The following PDE8B variants were observed in gnomAD, a reference collection of about 807,000 sequenced individuals.
The protein encoded by PDE8B is high affinity cAMP-specific and IBMX-insensitive 3',5'-cyclic phosphodiesterase 8B.
A neutral mutation model predicts 101.3 loss-of-function variants in PDE8B; 26 were observed. That is an observed-to-expected ratio of 0.26 (90% CI 0.19 to 0.36). The LOEUF (loss-of-function observed/expected upper bound fraction) is 0.36, where lower values mean the gene tolerates loss of function less well. PDE8B is among the 10% of genes least tolerant of loss of function. The pLI is 1.00. For missense variants in PDE8B, 810 were observed against 1,163.1 expected (o/e 0.70, Z 4.42); for synonymous variants, 424 against 429.3 (o/e 0.99, Z 0.15).
chr5:77,423,661 A>ATTTTT (rs1797245306), intron 20 of PDE8B, among the ~76,000 whole-genome samples: 1 of 24,966 alleles, frequency 4.0e-5, no homozygotes, highest in African/African-American at 1.3e-4. Context: ...TTTTTTTTTG[A>ATTTTT]GACAGTCTTG....
intron 10 of PDE8B, among the ~76,000 whole-genome samples, chr5:77,396,541 A>G (rs897029080): frequency 1.3e-5 from 2 of 152,246 alleles, no homozygotes; most frequent in African/African-American, 4.8e-5. Flanking sequence ...AACTGAGCAC[A>G]GCACAGCTAC....
At chr5:77,273,570 G>A (rs1763205137) in intron 1 of PDE8B, among the ~76,000 whole-genome samples, 2 of 152,156 alleles carry the variant, frequency 1.3e-5, no homozygotes, top group South Asian at 4.1e-4. Flanking sequence ...GAGAGGCAGG[G>A]TAGTACACTT....
Position 77,413,249 on chromosome 5 carries a change from C to T in PDE8B, c.1851C>T (p.Ser617=), listed in dbSNP as rs1343276717. 1 of 1,613,990 alleles carries T rather than the reference C, an allele frequency of 6.2e-7. No homozygotes were observed. Among genetic ancestry groups the T allele is most frequent in the Non-Finnish European group, 8.5e-7 (1 of 1,180,002 alleles). ...ACTCTTCCAATGCCTACCACAACTC[C>T]ACCCATGCTGCCGACGTCCTGCACG... is the stretch of plus-strand genomic sequence containing the variant. ...NYHSSNAYHN[S]THAADVLHAT... is the part of the protein sequence containing the mutation. Residue 617 remains serine, a synonymous_variant, in exon 17 of 22, where the codon TCC becomes TCT. Transcript: ENST00000264917.
intron 17 of PDE8B, 21 bp downstream of exon 17, chr5:77,413,330 C>T: frequency 3.1e-6 from 5 of 1,589,110 alleles, no homozygotes; most frequent in Non-Finnish European, 4.3e-6. Flanking sequence ...GATATCATGA[C>T]CTAGTTACCT....
At chr5:77,266,004 C>G (rs998975481) in intron 1 of PDE8B, among the ~76,000 whole-genome samples, 46 of 152,280 alleles carry the variant, frequency 3.0e-4, no homozygotes, top group Middle Eastern at 3.4e-3. Context: ...CCTGACTGCG[C>G]TGCTCAGGAA....
intron 4 of PDE8B, among the ~76,000 whole-genome samples, 153 bp downstream of exon 4, chr5:77,329,210 T>C (rs1250773342): frequency 6.6e-6 from 1 of 152,196 alleles, no homozygotes; most frequent in East Asian, 1.9e-4. Flanking sequence ...GGGGGTTTTG[T>C]TTGTTTCACA....
intron 8 of PDE8B, among the ~76,000 whole-genome samples, chr5:77,350,468 C>T (rs1780880411): frequency 6.6e-6 from 1 of 152,048 alleles, no homozygotes; most frequent in Admixed American, 6.5e-5. Context: ...ATCTCAGTTT[C>T]TGATTAGCCA....
chr5:77,276,846 T>G (rs251419), intron 1 of PDE8B, among the ~76,000 whole-genome samples: 29,560 of 152,182 alleles, frequency 0.19, 3,023 homozygotes, highest in Non-Finnish European at 0.23. Context: ...TGGTCCTCAC[T>G]GTGAAGTGTC....
At chr5:77,135,540 G>A in the PDE8B span, among the ~76,000 whole-genome samples, 3 of 144,188 alleles carry the variant, frequency 2.1e-5, no homozygotes, top group Admixed American at 7.3e-5. Flanking sequence ...GCAGTGGCAC[G>A]ATCTCGGCTC....
chr5:77,106,372 T>A, the PDE8B span: 1 of 152,206 alleles, frequency 6.6e-6, no homozygotes, highest in East Asian at 1.9e-4. Context: ...AATACTTATA[T>A]CTTTTGCAAT....
chr5:77,237,593 G>A lies in PDE8B; in HGVS notation c.339+26329G>A, dbSNP rs1475129976. ...TACATTGAAAACTCCATTAGGCCATGTCATAAATTTTTCTTTCAACTGTCA... is the reference window on the plus strand; with the variant it reads ...TACATTGAAAACTCCATTAGGCCATATCATAAATTTTTCTTTCAACTGTCA... On this transcript the variant is annotated intron_variant, in intron 1 of 21. Coordinates refer to ENST00000264917, the MANE Select transcript of PDE8B (RefSeq NM_003719.5). 3.9e-5 allele frequency among the ~76,000 whole-genome samples: 6 copies of A among 152,188 alleles called. No homozygotes were observed. The East Asian group carries it at 1.2e-3, about 29-fold the overall frequency.
intron 1 of PDE8B, among the ~76,000 whole-genome samples, chr5:77,288,930 A>G (rs574410382): frequency 6.6e-6 from 1 of 151,818 alleles, no homozygotes; most frequent in African/African-American, 2.4e-5. Flanking sequence ...TGGTCCAAGA[A>G]GATTCTTCTC....
chr5:77,290,256 C>A, intron 1 of PDE8B: 9 of 1,555,014 alleles, frequency 5.8e-6, no homozygotes, highest in Non-Finnish European at 7.9e-6. Context: ...TTGGAGCAGG[C>A]CTGCTGCCTT....
intron 10 of PDE8B, among the ~76,000 whole-genome samples, chr5:77,379,086 C>G (rs1415580961): frequency 6.6e-6 from 1 of 152,168 alleles, no homozygotes; most frequent in Non-Finnish European, 1.5e-5. Context: ...TAAACAATGA[C>G]AGTACTTCTC....
chr5:77,258,480 A>C (rs1372867331), intron 1 of PDE8B, among the ~76,000 whole-genome samples: 1 of 152,016 alleles, frequency 6.6e-6, no homozygotes, highest in African/African-American at 2.4e-5. Flanking sequence ...TGTGGCTTTG[A>C]TTTAATATTT....
intron 1 of PDE8B, among the ~76,000 whole-genome samples, chr5:77,301,040 T>G (rs1487962230): frequency 6.6e-6 from 1 of 152,202 alleles, no homozygotes; most frequent in Non-Finnish European, 1.5e-5. Context: ...GGCCATCTAA[T>G]CTTTGGACTT....
chr5:77,090,563 G>A, the PDE8B span, among the ~76,000 whole-genome samples: 8 of 152,286 alleles, frequency 5.3e-5, no homozygotes, highest in East Asian at 5.8e-4. Flanking sequence ...GTGAGCCACC[G>A]CACCCAGCCG....
chr5:77,097,718 T>TATATATATATATATATAC, the PDE8B span, among the ~76,000 whole-genome samples: 1 of 37,540 alleles, frequency 2.7e-5, no homozygotes, highest in Non-Finnish European at 7.6e-5. Flanking sequence ...TATATATATA[T>TATATATATATATATATAC]ATATATATAT....
At chr5:77,341,790 A>AGCCCCTT in intron 6 of PDE8B, among the ~76,000 whole-genome samples, 1 of 152,342 alleles carries the variant, frequency 6.6e-6, no homozygotes, top group Non-Finnish European at 1.5e-5. Context: ...GCAGTTTTAA[A>AGCCCCTT]GCCCCCTTTT....
Sources: gnomAD v4.1 joint callset for allele counts (sites outside exome capture counted in the v4.1 genomes callset) on GRCh38, gnomAD v4.1.1 for gene constraint, MANE v1.5 for transcripts, NCBI Gene and HGNC (gene_info 2026-07-23, HGNC 2026-07-21) for gene names.